RNF166: variants seen among roughly 807,000 people sequenced by gnomAD.
RNF166 encodes E3 ubiquitin-protein ligase RNF166.
RNF166 carries 19 observed loss-of-function variants against 29.4 expected under a neutral mutation model. The observed-to-expected ratio is 0.65, with a 90% CI of 0.45 to 0.95. The LOEUF (loss-of-function observed/expected upper bound fraction) is 0.95, where lower values mean the gene tolerates loss of function less well. Among genes scored for constraint, RNF166 ranks in the 40% least tolerant of loss-of-function variants. The pLI is 0.00. For synonymous variants in RNF166, 171 were observed against 134.5 expected (o/e 1.27, Z -1.88); for missense variants, 347 against 322.1 (o/e 1.08, Z -0.59).
In RNF166 at chr16:88,703,327, C is replaced by G. The variant is rs1015230869; in HGVS notation, c.156-1909G>C. On this transcript the variant is annotated intron_variant, in intron 1 of 5. Coordinates refer to ENST00000312838, the MANE Select transcript of RNF166 (RefSeq NM_178841.4). ...TGAGTGAACCCTGAGCTGCCAGAGACCAGGCCGGGGCTCGGCTGCACAGCA... is the reference window on the plus strand; with the variant it reads ...TGAGTGAACCCTGAGCTGCCAGAGAGCAGGCCGGGGCTCGGCTGCACAGCA... The G allele has an allele frequency of 2.8e-5, 28 of 985,340 alleles. No homozygotes were observed. The African/African-American group carries it at 4.7e-4, about 17-fold the overall frequency. 61.0% of individuals were successfully genotyped at this position (985,340 alleles called of 1,614,324 possible).
chr16:88,700,524 C>G (rs545044567), intron 2 of RNF166: 1 of 878,890 alleles, frequency 1.1e-6, no homozygotes, highest in African/African-American at 1.8e-5. Context: ...ACCTCGAGGA[C>G]AAACCACCGA....
At chr16:88,702,171 G>A (rs1034484451) in intron 1 of RNF166, among the ~76,000 whole-genome samples, 18 of 14,130 alleles carry the variant, frequency 1.3e-3, no homozygotes, top group African/African-American at 3.5e-3. Flanking sequence ...CTCTGCAGAC[G>A]CACACAGCCC....
At chr16:88,698,739 C>A in intron 4 of RNF166, 130 bp from the exon 5 acceptor site, 1 of 707,070 alleles carries the variant, frequency 1.4e-6, no homozygotes, top group East Asian at 2.7e-5. Context: ...GACCTGGAGG[C>A]GCGTGTCCCG....
rs184050359 is a variant in RNF166 at position 88,697,080 on chromosome 16, A to G, written c.*488T>C. ...CTATAAAACGTGAAAAGATTATCAC[A>G]CTGGATAATATAGAAAAGATGCCAG... is the stretch of plus-strand genomic sequence containing the variant. On this transcript the variant is annotated 3_prime_UTR_variant, in exon 6 of 6. Transcript: ENST00000312838. 51 of 173,280 alleles carry G rather than the reference A, an allele frequency of 2.9e-4. No individual in the cohort carries two copies. Among genetic ancestry groups the G allele is most frequent in the African/African-American group, 1.2e-3 (50 of 41,728 alleles). 10.7% of individuals were successfully genotyped at this position (173,280 alleles called of 1,614,324 possible). A position where few individuals can be genotyped will look rare whatever the true frequency, so the allele number is the denominator to read the frequency against.
chr16:88,701,735 G>C, intron 1 of RNF166: 1 of 318,306 alleles, frequency 3.1e-6, no homozygotes, highest in East Asian at 5.2e-5. Context: ...CCCCAGCTCG[G>C]GCTACCAGGT....
chr16:88,698,953 G>C lies in RNF166; in HGVS notation c.540+18C>G, dbSNP rs760077454. 6.5e-7 allele frequency: 1 copy of C among 1,547,046 alleles called. No homozygotes were observed. Among genetic ancestry groups the C allele is most frequent in the Non-Finnish European group, 8.8e-7 (1 of 1,135,572 alleles). On this transcript the variant is annotated intron_variant, in intron 4 of 5. Coordinates refer to ENST00000312838, the MANE Select transcript of RNF166 (RefSeq NM_178841.4). The stretch of plus-strand genomic sequence containing the variant: ...GCCTCCCCTGGCGCAGGCGTCGCTT[G>C]GGGCAGGCACTGCTCACCACGCGGT...
rs542016160 is a variant in RNF166, at chr16:88,706,277, G to C, written c.49C>G (p.Pro17Ala). Residue 17 changes from proline (P) to alanine (A), a missense_variant, in exon 1 of 6, where the codon CCG becomes GCG. Pro to Ala is a conservative substitution (Grantham distance 27). Transcript: ENST00000312838. ...LVASAQQRQP[P>A]AGPAGGDSGL... ...CTGTCGCCGCCCGCCGGCCCGGCCG[G>C]CGGCTGCCGCTGCTGAGCCGAGGCC... is the stretch of plus-strand genomic sequence containing the variant. 4.9e-5 allele frequency: 64 copies of C among 1,298,042 alleles called. No individual in the cohort carries two copies. The African/African-American group carries it at 9.4e-4, about 19-fold the overall frequency. 80.4% of individuals were successfully genotyped at this position (1,298,042 alleles called of 1,614,324 possible).
intron 2 of RNF166, 145 bp from the exon 3 acceptor site, chr16:88,699,877 C>T (rs1488829042): frequency 5.2e-6 from 3 of 579,798 alleles, no homozygotes; most frequent in Non-Finnish European, 9.2e-6. Context: ...GTCCCTTCTG[C>T]TGCTAAAACA....
Position 88,696,950 on chromosome 16 carries a change from T to C in RNF166, c.*618A>G, listed in dbSNP as rs1035007868. On this transcript the variant is annotated 3_prime_UTR_variant, in exon 6 of 6. Transcript: ENST00000312838. ...CCCAATCCCCCAATGCTTGTTTTGATTGTTTTCTTAAAAAATATAATTTTG... is the reference window on the plus strand; with the variant it reads ...CCCAATCCCCCAATGCTTGTTTTGACTGTTTTCTTAAAAAATATAATTTTG... 17 of 199,230 alleles carry C rather than the reference T, an allele frequency of 8.5e-5. No individual in the cohort carries two copies. The highest frequency in any genetic ancestry group is 5.6e-4 in the South Asian group (8 of 14,376). 12.3% of individuals were successfully genotyped at this position (199,230 alleles called of 1,614,324 possible).
intron 1 of RNF166, chr16:88,702,934 T>G: frequency 1.0e-6 from 1 of 985,448 alleles, no homozygotes; most frequent in Non-Finnish European, 1.2e-6. Context: ...ACCCCCATAC[T>G]CAGGCACTCA....
In RNF166 at chr16:88,696,985, C is replaced by A. The variant is rs1909692848; in HGVS notation, c.*583G>T. The A allele has an allele frequency of 4.9e-6, 1 of 202,500 alleles. No individual in the cohort carries two copies. Among genetic ancestry groups the A allele is most frequent in the African/African-American group, 2.4e-5 (1 of 41,772 alleles). 12.5% of individuals were successfully genotyped at this position (202,500 alleles called of 1,614,324 possible). On this transcript the variant is annotated 3_prime_UTR_variant, in exon 6 of 6. Transcript: ENST00000312838. ...AAAAAATATAATTTTGTAAATGTTCCATAAAAATACTATTATTCCTAGTCA... is the reference window on the plus strand; with the variant it reads ...AAAAAATATAATTTTGTAAATGTTCAATAAAAATACTATTATTCCTAGTCA...
chr16:88,706,376 G>A lies in RNF166; in HGVS notation c.-51C>T, dbSNP rs969617176. 24 of 1,215,736 alleles carry A rather than the reference G, an allele frequency of 2.0e-5. No individual in the cohort carries two copies. Among genetic ancestry groups the A allele is most frequent in the South Asian group, 1.1e-4 (3 of 28,476 alleles). 75.3% of individuals were successfully genotyped at this position (1,215,736 alleles called of 1,614,324 possible). A position where few individuals can be genotyped will look rare whatever the true frequency, so the allele number is the denominator to read the frequency against. On this transcript the variant is annotated 5_prime_UTR_variant, in exon 1 of 6. Transcript: ENST00000312838. Reference sequence around the variant, plus strand: ...CCGCCCGCTGTCCTGGCCCGGGCCGGCCCGCTAGTCACAGCCGCTACTGCG... The same window carrying A: ...CCGCCCGCTGTCCTGGCCCGGGCCGACCCGCTAGTCACAGCCGCTACTGCG...
In RNF166 at chr16:88,706,347, C is replaced by T; in HGVS notation, c.-22G>A. On this transcript the variant is annotated 5_prime_UTR_variant, in exon 1 of 6. Coordinates refer to ENST00000312838, the MANE Select transcript of RNF166 (RefSeq NM_178841.4). ...CCATCCCGGGGCCAGGCCCGCGCCG[C>T]CCGCCGCCCGCTGTCCTGGCCCGGG... The T allele has an allele frequency of 1.6e-6, 2 of 1,213,062 alleles. No homozygotes were observed. The highest frequency in any genetic ancestry group is 2.0e-6 in the Non-Finnish European group (2 of 976,222). 75.1% of individuals were successfully genotyped at this position (1,213,062 alleles called of 1,614,324 possible).
intron 1 of RNF166, among the ~76,000 whole-genome samples, 172 bp downstream of exon 1, chr16:88,705,999 G>T (rs566191796): frequency 6.6e-6 from 1 of 151,940 alleles, no homozygotes; most frequent in Non-Finnish European, 1.5e-5. Context: ...GCGCCCAGAG[G>T]GCAGAGGCGG....
At chr16:88,700,322 G>A (rs1469724910) in intron 2 of RNF166, among the ~76,000 whole-genome samples, 2 of 152,216 alleles carry the variant, frequency 1.3e-5, no homozygotes, top group African/African-American at 4.8e-5. Flanking sequence ...TGAAGACCCA[G>A]ATTAGAGAAC....
intron 1 of RNF166, chr16:88,704,238 T>C: frequency 1.0e-6 from 1 of 985,432 alleles, no homozygotes; most frequent in Non-Finnish European, 1.2e-6. Context: ...ATGCATGCCT[T>C]AGCAACACCA....
intron 1 of RNF166, chr16:88,704,090 G>T (rs1381852112): frequency 5.1e-6 from 5 of 983,940 alleles, no homozygotes; most frequent in Non-Finnish European, 6.0e-6. Context: ...CCCACACTGG[G>T]ATACTCTTGC....
Position 88,701,309 on chromosome 16 carries a change from T to C in RNF166, c.265A>G (p.Lys89Glu). The change falls in exon 2 of 6, where the codon AAG becomes GAG. Residue 89 changes from lysine (K) to glutamate (E), a missense_variant. Transcript: ENST00000312838. ...KKVDKATHVE[K>E]QLSSYKAPCR... ...GGCGCTTTGTAGGATGAGAGCTGCT[T>C]CTCCACGTGGGTGGCCTTGTCCACC... is the stretch of plus-strand genomic sequence containing the variant. The C allele has an allele frequency of 1.2e-6, 2 of 1,613,712 alleles. No homozygotes were observed. The highest frequency in any genetic ancestry group is 1.7e-6 in the Non-Finnish European group (2 of 1,179,932).
chr16:88,703,255 G>C (rs1341437606), intron 1 of RNF166: 1 of 978,086 alleles, frequency 1.0e-6, no homozygotes. Context: ...TGCATCGATT[G>C]TTGCATAATT....
Sources: allele counts gnomAD v4.1 joint callset (sites outside exome capture counted in the v4.1 genomes callset), GRCh38; gene constraint gnomAD v4.1.1; transcripts MANE v1.5; gene names NCBI Gene and HGNC (gene_info 2026-07-23, HGNC 2026-07-21).